The following EPHB2 variants were observed in gnomAD, a reference collection of about 807,000 sequenced individuals.
The protein encoded by EPHB2 is ephrin type-B receptor 2.
A neutral mutation model predicts 96.4 loss-of-function variants in EPHB2; 18 were observed. That is an observed-to-expected ratio of 0.19 (90% CI 0.13 to 0.28). The LOEUF (loss-of-function observed/expected upper bound fraction) is 0.28. EPHB2 is among the 10% of genes least tolerant of loss of function. The pLI, the probability that EPHB2 is intolerant of heterozygous loss-of-function variation, is 1.00. For missense variants in EPHB2, 989 were observed against 1,355.4 expected (o/e 0.73, Z 4.25); for synonymous variants, 506 against 534.1 (o/e 0.95, Z 0.72).
At chr1:22,809,789 A>G (rs1644978298) in intron 3 of EPHB2, among the ~76,000 whole-genome samples, 1 of 152,174 alleles carries the variant, frequency 6.6e-6, no homozygotes, top group African/African-American at 2.4e-5. Context: ...GCAAGAGAAA[A>G]CCCAGTGTGT....
At chr1:22,720,435 C>T (rs868698224) in intron 1 of EPHB2, among the ~76,000 whole-genome samples, 1 of 152,324 alleles carries the variant, frequency 6.6e-6, no homozygotes. Flanking sequence ...TCAGGTGACA[C>T]TCAGAGTTCA....
At chr1:22,835,569 A>T (rs1645369145) in intron 3 of EPHB2, 1 of 152,254 alleles carries the variant, frequency 6.6e-6, no homozygotes, top group African/African-American at 2.4e-5. Flanking sequence ...GCTTTCATAC[A>T]TGTAGGCAAA....
intron 9 of EPHB2, among the ~76,000 whole-genome samples, chr1:22,896,975 AGGACTCTG>A (rs1236862037): frequency 4.6e-5 from 7 of 152,248 alleles, no homozygotes; most frequent in African/African-American, 1.7e-4. Flanking sequence ...TAAGATGATG[AGGACTCTG>A]GGCTCTGGCC....
Position 22,896,463 on chromosome 1 carries a change from T to G in EPHB2, c.1750T>G (p.Tyr584Asp). Reference sequence around the variant, plus strand: ...GGAGTACACGGACAAGCTGCAACACTACACCAGTGGCCACAGTATGTACAC... The same window carrying G: ...GGAGTACACGGACAAGCTGCAACACGACACCAGTGGCCACAGTATGTACAC... ...DSEYTDKLQH[Y>D]TSGHMTPGMK... is the part of the protein sequence containing the mutation. The change falls in exon 9 of 16, where the codon TAC becomes GAC. Residue 584 changes from tyrosine to aspartate, a missense_variant. Transcript: ENST00000374630. 2 of 1,614,108 alleles carry G rather than the reference T, an allele frequency of 1.2e-6. No homozygotes were observed. The highest frequency in any genetic ancestry group is 8.5e-7 in the Non-Finnish European group (1 of 1,180,002).
intron 1 of EPHB2, among the ~76,000 whole-genome samples, chr1:22,743,561 C>A (rs1324831839): frequency 1.3e-5 from 2 of 152,196 alleles, no homozygotes; most frequent in Non-Finnish European, 2.9e-5. Context: ...ACCTCCACCT[C>A]CCAAGTTCAA....
intron 6 of EPHB2, among the ~76,000 whole-genome samples, chr1:22,885,491 C>T (rs1639195311): frequency 1.3e-5 from 2 of 152,254 alleles, no homozygotes; most frequent in African/African-American, 4.8e-5. Flanking sequence ...ACCATCTGCT[C>T]ACATTTCATG....
At chr1:22,891,961 ATTTT>A (rs528214016) in intron 6 of EPHB2, among the ~76,000 whole-genome samples, 2 of 138,664 alleles carry the variant, frequency 1.4e-5, no homozygotes, top group Non-Finnish European at 3.2e-5. Context: ...TGCCCAGCTA[ATTTT>A]TTTTTTTTTT....
rs1644674519 is a variant in EPHB2, at chr1:22,790,436, G to T, written c.811+5360G>T. 6.6e-6 allele frequency among the ~76,000 whole-genome samples: 1 copy of T among 152,172 alleles called. No individual in the cohort carries two copies. The highest frequency in any genetic ancestry group is 1.5e-5 in the Non-Finnish European group (1 of 68,026). On this transcript the variant is annotated intron_variant, in intron 3 of 15. Transcript: ENST00000374630. The surrounding 1 kb of genome is among the most constrained non-coding windows in gnomAD (Gnocchi z 4.0). ...GGCTTCCTGCCAGCAGGTCTGCTGGGAGTGGCAGAAGGTGTCCCTGGAATG... is the reference window on the plus strand; with the variant it reads ...GGCTTCCTGCCAGCAGGTCTGCTGGTAGTGGCAGAAGGTGTCCCTGGAATG...
chr1:22,896,420 G>A lies in EPHB2; in HGVS notation c.1707G>A (p.Gly569=). The change falls in exon 9 of 16, where the codon GGG becomes GGA. Residue 569 remains glycine (G), a synonymous_variant. Transcript: ENST00000374630. ...TTTGCTCTTGTTCCAGAAGACGGGG[G>A]TTTGAGCGTGCTGACTCGGAGTACA... ...VVIAIVCNRR[G]FERADSEYTD... 1 of 1,614,154 alleles carries A rather than the reference G, an allele frequency of 6.2e-7. No individual in the cohort carries two copies. The highest frequency in any genetic ancestry group is 8.5e-7 in the Non-Finnish European group (1 of 1,180,028).
chr1:22,720,673 C>T (rs1247330423), intron 1 of EPHB2, among the ~76,000 whole-genome samples: 3 of 122,290 alleles, frequency 2.5e-5, no homozygotes, highest in Admixed American at 1.6e-4. Context: ...CCCCCCCCCC[C>T]GCCCCAGCAC....
At chr1:22,899,469 C>T (rs558874340) in intron 9 of EPHB2, among the ~76,000 whole-genome samples, 239 of 152,132 alleles carry the variant, frequency 1.6e-3, no homozygotes, top group Middle Eastern at 6.8e-3. Flanking sequence ...CCATTGCACT[C>T]CAGCCTAGGC....
chr1:22,780,079 G>T (rs371776812), intron 1 of EPHB2, among the ~76,000 whole-genome samples: 2 of 152,342 alleles, frequency 1.3e-5, no homozygotes, highest in East Asian at 1.9e-4. Context: ...CCAGTGCAGC[G>T]CCTGGTACAT....
intron 1 of EPHB2, among the ~76,000 whole-genome samples, chr1:22,737,868 C>G (rs897212430): frequency 2.6e-5 from 4 of 152,202 alleles, no homozygotes; most frequent in African/African-American, 9.7e-5. Context: ...CAGCATGACA[C>G]TCCCACAAGA....
chr1:22,797,380 C>T (rs1474990948), intron 3 of EPHB2, among the ~76,000 whole-genome samples: 6 of 152,210 alleles, frequency 3.9e-5, no homozygotes, highest in Admixed American at 3.9e-4. Flanking sequence ...AAAGTGACTG[C>T]TCCCTCTTCT....
intron 6 of EPHB2, among the ~76,000 whole-genome samples, chr1:22,889,550 T>TC (rs1355743988): frequency 6.6e-6 from 1 of 152,162 alleles, no homozygotes; most frequent in Non-Finnish European, 1.5e-5. Context: ...CAAGACATGG[T>TC]CCCTGGCCTC....
intron 3 of EPHB2, among the ~76,000 whole-genome samples, chr1:22,807,762 G>A (rs1196562281): frequency 6.6e-6 from 1 of 152,212 alleles, no homozygotes; most frequent in African/African-American, 2.4e-5. Flanking sequence ...CATTTGAGCT[G>A]GTTCTCAAAA....
At chr1:22,848,822 C>T (rs1645581665) in intron 3 of EPHB2, among the ~76,000 whole-genome samples, 1 of 152,134 alleles carries the variant, frequency 6.6e-6, no homozygotes, top group African/African-American at 2.4e-5. Flanking sequence ...AGCAGAGCAA[C>T]CTTCCAGGTT....
intron 3 of EPHB2, among the ~76,000 whole-genome samples, chr1:22,839,623 G>A (rs1228870371): frequency 1.3e-5 from 2 of 152,188 alleles, no homozygotes; most frequent in African/African-American, 4.8e-5. Context: ...CCAAAGGAAA[G>A]GACATTGAAA....
chr1:22,720,993 T>C (rs1482593176), intron 1 of EPHB2, among the ~76,000 whole-genome samples: 1 of 152,146 alleles, frequency 6.6e-6, no homozygotes, highest in Non-Finnish European at 1.5e-5. Flanking sequence ...ATCAGCGAAC[T>C]GGGCATCATA....
Sources: gnomAD v4.1 joint callset for allele counts (sites outside exome capture counted in the v4.1 genomes callset) on GRCh38, gnomAD v4.1.1 for gene constraint, Gnocchi (gnomAD v3.1) non-coding constraint, MANE v1.5 for transcripts, NCBI Gene and HGNC (gene_info 2026-07-23, HGNC 2026-07-21) for gene names.